PHKB: variants seen among roughly 807,000 people sequenced by gnomAD.
The protein encoded by PHKB is phosphorylase b kinase regulatory subunit beta.
Under a neutral mutation model 152.1 loss-of-function variants are expected in PHKB, and 122 were observed. The ratio of observed to expected loss-of-function variants is 0.80; its 90% CI spans 0.69 to 0.93. The LOEUF (loss-of-function observed/expected upper bound fraction) is 0.93, where lower values mean the gene tolerates loss of function less well. PHKB is among the 40% of genes least tolerant of loss of function. PHKB has a pLI of 0.00. For synonymous variants in PHKB, 436 were observed against 464.9 expected (o/e 0.94, Z 0.80); for missense variants, 1,304 against 1,328.4 (o/e 0.98, Z 0.29).
At chr16:47,540,563 C>T (rs1971036567) in intron 6 of PHKB, among the ~76,000 whole-genome samples, 1 of 152,082 alleles carries the variant, frequency 6.6e-6, no homozygotes, top group Non-Finnish European at 1.5e-5. Flanking sequence ...GATGTCACCC[C>T]TGGCGGCCCA....
intron 14 of PHKB, among the ~76,000 whole-genome samples, chr16:47,623,126 T>C (rs1303910483): frequency 1.3e-5 from 2 of 152,166 alleles, no homozygotes. Context: ...ATATTTTAAA[T>C]GGGAATAATG....
At chr16:47,544,789 A>G (rs1428793459) in intron 6 of PHKB, among the ~76,000 whole-genome samples, 3 of 152,174 alleles carry the variant, frequency 2.0e-5, no homozygotes, top group Non-Finnish European at 2.9e-5. Context: ...GGGTGCACAT[A>G]TCATATATTT....
chr16:47,583,088 C>G (rs113411084), intron 8 of PHKB, among the ~76,000 whole-genome samples: 1 of 152,214 alleles, frequency 6.6e-6, no homozygotes, highest in African/African-American at 2.4e-5. Context: ...TGAGCCACCA[C>G]GCCGGGCCAT....
chr16:47,572,676 G>A (rs990786500), intron 7 of PHKB, among the ~76,000 whole-genome samples: 5 of 152,168 alleles, frequency 3.3e-5, no homozygotes, highest in African/African-American at 1.2e-4. Flanking sequence ...GTGGCAGTAG[G>A]GGAGTGGCAT....
chr16:47,686,259 T>C (rs1973963883), intron 26 of PHKB, among the ~76,000 whole-genome samples: 1 of 152,222 alleles, frequency 6.6e-6, no homozygotes, highest in Admixed American at 6.5e-5. Context: ...ATAAACTATG[T>C]TTAGTTTTAA....
At chr16:47,699,094 A>C in intron 30 of PHKB, 135 bp from the exon 31 acceptor site, 1 of 802,860 alleles carries the variant, frequency 1.2e-6, no homozygotes, top group Non-Finnish European at 2.1e-6. Context: ...ATGAAAGAAA[A>C]GCTCAGGAAT....
chr16:47,504,486 T>TCATGATCTGAGTGTCCAC (rs1173470807), intron 4 of PHKB, among the ~76,000 whole-genome samples: 1 of 152,210 alleles, frequency 6.6e-6, no homozygotes, highest in Non-Finnish European at 1.5e-5. Context: ...GGAAACCCTT[T>TCATGATCTGAGTGTCCAC]CATGATCTGA....
At chr16:47,574,505 G>T (rs967236928) in intron 7 of PHKB, among the ~76,000 whole-genome samples, 2 of 152,184 alleles carry the variant, frequency 1.3e-5, no homozygotes, top group Admixed American at 1.3e-4. Flanking sequence ...CTTTGCAAGT[G>T]GGTGAGGCAT....
At chr16:47,646,561 T>TAAA (rs1456479779) in intron 16 of PHKB, among the ~76,000 whole-genome samples, 2 of 104,666 alleles carry the variant, frequency 1.9e-5, no homozygotes, top group African/African-American at 4.1e-5. Flanking sequence ...AAATAAAAAA[T>TAAA]AAAAAAATAA....
At chr16:47,663,810 T>C (rs1331090973) in intron 24 of PHKB, 76 bp downstream of exon 24, 3 of 872,420 alleles carry the variant, frequency 3.4e-6, no homozygotes, top group Non-Finnish European at 3.9e-6. Flanking sequence ...AATGGACCAA[T>C]ATTAAAGATA....
intron 26 of PHKB, among the ~76,000 whole-genome samples, chr16:47,677,857 G>T (rs961422892): frequency 1.3e-5 from 2 of 150,920 alleles, no homozygotes; most frequent in Admixed American, 1.3e-4. Context: ...CCATGTTGGT[G>T]TGCTGCACCC....
At chr16:47,496,919 G>A (rs1415594543) in intron 1 of PHKB, among the ~76,000 whole-genome samples, 6 of 152,178 alleles carry the variant, frequency 3.9e-5, no homozygotes, top group South Asian at 2.1e-4. Context: ...CTGAATATTC[G>A]TGGAGTGGAT....
chr16:47,648,622 C>T lies in PHKB; in HGVS notation c.1692+6C>T, dbSNP rs367897446. 2 of 1,596,088 alleles carry T rather than the reference C, an allele frequency of 1.3e-6. No individual in the cohort carries two copies. Among genetic ancestry groups the T allele is most frequent in the African/African-American group, 1.3e-5 (1 of 74,586 alleles). On this transcript the variant is annotated splice_donor_region_variant and intron_variant, in intron 17 of 30. Transcript: ENST00000323584. Reference sequence around the variant, plus strand: ...GCTGCCTCGGGACATCAAAGGTACTCATGAAATGTCCTCAAAAAGTAGTTT... The same window carrying T: ...GCTGCCTCGGGACATCAAAGGTACTTATGAAATGTCCTCAAAAAGTAGTTT...
At chr16:47,659,649 A>T (rs1372575789) in intron 20 of PHKB, among the ~76,000 whole-genome samples, 1 of 152,178 alleles carries the variant, frequency 6.6e-6, no homozygotes, top group African/African-American at 2.4e-5. Flanking sequence ...AAAATGGCCA[A>T]ATATGGGTAG....
intron 20 of PHKB, among the ~76,000 whole-genome samples, chr16:47,659,342 G>A (rs999593068): frequency 1.3e-5 from 2 of 152,110 alleles, no homozygotes; most frequent in Non-Finnish European, 2.9e-5. Context: ...CTTCACATTT[G>A]AGATGAACAG....
At chr16:47,619,680 A>AATG (rs1972583451) in intron 14 of PHKB, among the ~76,000 whole-genome samples, 1 of 152,196 alleles carries the variant, frequency 6.6e-6, no homozygotes, top group Non-Finnish European at 1.5e-5. Flanking sequence ...ATTATCTACG[A>AATG]ATGATACCTT....
chr16:47,526,152 G>C (rs764596385), intron 6 of PHKB, among the ~76,000 whole-genome samples: 1 of 152,150 alleles, frequency 6.6e-6, no homozygotes, highest in Non-Finnish European at 1.5e-5. Context: ...GCTCATGCCC[G>C]TAATCCCAGC....
At chr16:47,648,242 G>A (rs763929094) in intron 16 of PHKB, among the ~76,000 whole-genome samples, 1 of 152,078 alleles carries the variant, frequency 6.6e-6, no homozygotes, top group Non-Finnish European at 1.5e-5. Flanking sequence ...TAGCCTCTGT[G>A]TTCTTTTACG....
intron 1 of PHKB, among the ~76,000 whole-genome samples, chr16:47,474,572 T>TA (rs530825044): frequency 2.0e-5 from 3 of 151,364 alleles, no homozygotes; most frequent in Non-Finnish European, 4.4e-5. Context: ...TTCTGTATAC[T>TA]AAAAAAAAAT....
Sources: gnomAD v4.1 joint callset for allele counts (sites outside exome capture counted in the v4.1 genomes callset) on GRCh38, gnomAD v4.1.1 for gene constraint, MANE v1.5 for transcripts, NCBI Gene and HGNC (gene_info 2026-07-23, HGNC 2026-07-21) for gene names.